C6: variants seen among roughly 807,000 people sequenced by gnomAD.
C6 encodes the protein complement C6, also known as complement component C6.
Under a neutral mutation model 112.9 loss-of-function variants are expected in C6, and 101 were observed. That is an observed-to-expected ratio of 0.89 (90% CI 0.76 to 1.06). C6 has a LOEUF of 1.06. Ranked by LOEUF, C6 falls within the 50% of genes least tolerant of loss-of-function variation. C6 has a pLI of 0.00. For synonymous variants in C6, 431 were observed against 384.1 expected, an observed-to-expected ratio of 1.12 and a Z score of -1.43; for missense variants, 1,202 against 1,104.6, an observed-to-expected ratio of 1.09 and a Z score of -1.25.
intron 1 of C6, among the ~76,000 whole-genome samples, chr5:41,229,688 G>T (rs1269464428): frequency 6.6e-6 from 1 of 152,042 alleles, no homozygotes; most frequent in Non-Finnish European, 1.5e-5. Flanking sequence ...TGCCTTTAAG[G>T]TCCATTTAAT....
At chr5:41,210,388 G>C (rs1751812474) in intron 1 of C6, among the ~76,000 whole-genome samples, 1 of 152,194 alleles carries the variant, frequency 6.6e-6, no homozygotes, top group African/African-American at 2.4e-5. Context: ...AAACTAAAGA[G>C]CTTCTGCTCA....
At chr5:41,216,733 T>C (rs1752207636), upstream of C6, among the ~76,000 whole-genome samples, 1 of 152,144 alleles carries the variant, frequency 6.6e-6, no homozygotes, top group African/African-American at 2.4e-5. Flanking sequence ...CCAGCCATTA[T>C]GAAACCATAC....
intron 4 of C6, among the ~76,000 whole-genome samples, chr5:41,197,651 C>T (rs940341524): frequency 3.9e-5 from 6 of 152,120 alleles, no homozygotes; most frequent in African/African-American, 1.2e-4. Context: ...ACAAGAAATT[C>T]TATCCATTTA....
chr5:41,196,646 T>A, intron 4 of C6, among the ~76,000 whole-genome samples: 1 of 151,158 alleles, frequency 6.6e-6, no homozygotes, highest in East Asian at 1.9e-4. Flanking sequence ...ATTAAATATA[T>A]TAAATATATC....
chr5:41,152,284 GA>G (rs1446794681), intron 15 of C6, among the ~76,000 whole-genome samples: 1 of 152,008 alleles, frequency 6.6e-6, no homozygotes. Flanking sequence ...GGAGGGGGAT[GA>G]AAATAGAGGG....
intron 1 of C6, among the ~76,000 whole-genome samples, chr5:41,231,603 T>C (rs952251066): frequency 1.2e-4 from 19 of 152,128 alleles, no homozygotes. Context: ...GTTTTCATTT[T>C]GGGGTTTGTT....
intron 1 of C6, among the ~76,000 whole-genome samples, chr5:41,260,732 G>A (rs1167362475): frequency 2.6e-5 from 4 of 151,032 alleles, no homozygotes; most frequent in East Asian, 2.0e-4. Flanking sequence ...CCAAGATGGC[G>A]CCATTGCACT....
chr5:41,145,435 T>G (rs1745728285), intron 17 of C6, among the ~76,000 whole-genome samples: 1 of 152,234 alleles, frequency 6.6e-6, no homozygotes, highest in African/African-American at 2.4e-5. Context: ...GAATTGTGCA[T>G]GCAGGTATAA....
intron 9 of C6, among the ~76,000 whole-genome samples, chr5:41,169,454 G>A (rs1340037922): frequency 6.6e-6 from 1 of 152,010 alleles, no homozygotes; most frequent in Non-Finnish European, 1.5e-5. Context: ...CATTACACTG[G>A]CAATTTTATA....
chr5:41,219,478 C>T (rs753564466), intron 1 of C6, among the ~76,000 whole-genome samples: 4 of 152,066 alleles, frequency 2.6e-5, no homozygotes, highest in Non-Finnish European at 5.9e-5. Context: ...AATGAAGGGA[C>T]ATGTGAAGTC....
At chr5:41,249,650 T>G (rs952960861) in intron 1 of C6, among the ~76,000 whole-genome samples, 5 of 152,228 alleles carry the variant, frequency 3.3e-5, no homozygotes, top group Non-Finnish European at 7.3e-5. Flanking sequence ...GCTCAATCTA[T>G]CATACCTTCG....
At chr5:41,218,152 CATAGTA>C (rs774322249), upstream of C6, among the ~76,000 whole-genome samples, 45 of 152,130 alleles carry the variant, frequency 3.0e-4, no homozygotes, top group Admixed American at 3.3e-4. Flanking sequence ...AACTTCACCT[CATAGTA>C]ATAGTAGTTG....
In C6 at chr5:41,205,453, G is replaced by A. The variant is rs193116128; in HGVS notation, c.-20-2203C>T. Among the ~76,000 whole-genome samples, 59 of 152,320 alleles carry A rather than the reference G, an allele frequency of 3.9e-4. 1 individual carries two copies. Among genetic ancestry groups the A allele is most frequent in the Admixed American group, 3.1e-3 (48 of 15,302 alleles). ...CTCACCTGGGATGTGCAAGGGGTCG[G>A]GGAATTCCCTTTCCTAGCCAAGGGA... On this transcript the variant is annotated intron_variant, in intron 1 of 17. Transcript: ENST00000337836.
rs541027599 is a variant in C6 at position 41,142,837 on chromosome 5, C to T, written c.2793G>A (p.Lys931=). 59 of 1,613,182 alleles carry T rather than the reference C, an allele frequency of 3.7e-5. No individual in the cohort carries two copies. In the South Asian group the frequency reaches 6.1e-4, roughly 17 times the overall value. Residue 931 remains lysine (K), a synonymous_variant, in exon 18 of 18, where the codon AAG becomes AAA. Transcript: ENST00000337836. The part of the protein sequence containing the change: ...NRKMEILHPG[K]CLA ...AGCAGTAATTGTGCTAGGCCAAACACTTTCCAGGATGCAGTATTTCCATCT... is the reference window on the plus strand; with the variant it reads ...AGCAGTAATTGTGCTAGGCCAAACATTTTCCAGGATGCAGTATTTCCATCT...
At chr5:41,243,674 C>T (rs1342509364) in intron 1 of C6, among the ~76,000 whole-genome samples, 1 of 152,162 alleles carries the variant, frequency 6.6e-6, no homozygotes, top group East Asian at 1.9e-4. Flanking sequence ...CCTTAGCTCT[C>T]ACTTCTACAC....
Position 41,145,513 on chromosome 5 carries a change from G to A in C6, c.2624-2507C>T, listed in dbSNP as rs139974506. Among the ~76,000 whole-genome samples the A allele has an allele frequency of 1.3e-3, 192 of 152,296 alleles. 1 individual carries two copies. The South Asian group carries it at 0.013, about 10-fold the overall frequency. ...ATGTTGCCAAAATACCTGAGTCAGC[G>A]TGAGTATTAGCAATGAGGTCATGAA... On this transcript the variant is annotated intron_variant, in intron 17 of 17. Coordinates refer to ENST00000337836, the MANE Select transcript of C6 (RefSeq NM_000065.5).
intron 1 of C6, among the ~76,000 whole-genome samples, chr5:41,248,828 C>G (rs1741173122): frequency 6.6e-6 from 1 of 152,034 alleles, no homozygotes; most frequent in Admixed American, 6.6e-5. Flanking sequence ...GGTATATAGC[C>G]AAAGAAGATA....
chr5:41,245,702 C>T (rs971866227), intron 1 of C6, among the ~76,000 whole-genome samples: 3 of 151,944 alleles, frequency 2.0e-5, no homozygotes, highest in African/African-American at 7.3e-5. Flanking sequence ...ATTATTGTCT[C>T]TTTATTGTAT....
intron 1 of C6, among the ~76,000 whole-genome samples, chr5:41,242,835 C>A (rs1740804892): frequency 6.6e-6 from 1 of 151,114 alleles, no homozygotes. Context: ...GAAATTCTAT[C>A]ATTTACAACA....
Sources: gnomAD v4.1 joint callset for allele counts (sites outside exome capture counted in the v4.1 genomes callset) on GRCh38, gnomAD v4.1.1 for gene constraint, MANE v1.5 for transcripts, NCBI Gene and HGNC (gene_info 2026-07-23, HGNC 2026-07-21) for gene names.